CPNE8: variants seen among roughly 807,000 people sequenced by gnomAD.
CPNE8 encodes the protein copine 8.
CPNE8 carries 45 observed loss-of-function variants against 81.5 expected under a neutral mutation model. The ratio of observed to expected loss-of-function variants is 0.55; its 90% CI spans 0.44 to 0.71. CPNE8 has a LOEUF of 0.71. Among genes scored for constraint, CPNE8 ranks in the 30% least tolerant of loss-of-function variants. The pLI, the probability that CPNE8 is intolerant of heterozygous loss-of-function variation, is 0.00. For missense variants in CPNE8, 594 were observed against 672.1 expected (o/e 0.88, Z 1.28); for synonymous variants, 252 against 226.3 (o/e 1.11, Z -1.02).
At chr12:38,696,969 C>T (rs1190369750) in intron 14 of CPNE8, among the ~76,000 whole-genome samples, 1 of 152,104 alleles carries the variant, frequency 6.6e-6, no homozygotes, top group South Asian at 2.1e-4. Flanking sequence ...ATCACTTGAG[C>T]CCTGGAAGTG....
At chr12:38,752,783 TTGAC>T (rs1243615055) in intron 10 of CPNE8, among the ~76,000 whole-genome samples, 3 of 152,242 alleles carry the variant, frequency 2.0e-5, no homozygotes, top group Admixed American at 1.3e-4. Flanking sequence ...TATTCCAAAT[TTGAC>T]TGATGACATT....
At position 38,848,591 on chromosome 12, in the gene CPNE8, A is replaced by G. The variant is rs777300896; in HGVS notation, c.258T>C (p.Phe86=). The change falls in exon 4 of 20, where the codon TTT becomes TTC. Residue 86 remains phenylalanine, a synonymous_variant. Coordinates refer to ENST00000331366, the MANE Select transcript of CPNE8 (RefSeq NM_153634.3). ...AACGAAGATTCTCTCTTTCTTCAAA[A>G]AAGTAGTCCAGAATAAACTTTCTTA... ...DFVRKFILDY[F]FEERENLRFD... is the part of the protein sequence containing the mutation. The G allele has an allele frequency of 2.5e-6, 4 of 1,589,956 alleles. 1 individual carries two copies. The South Asian group carries it at 4.7e-5, about 19-fold the overall frequency.
At chr12:38,671,698 C>A (rs764102709) in intron 18 of CPNE8, among the ~76,000 whole-genome samples, 9 of 152,222 alleles carry the variant, frequency 5.9e-5, no homozygotes, top group Non-Finnish European at 1.3e-4. Flanking sequence ...ATCTCCCTGG[C>A]CCCAATACTG....
At chr12:38,761,583 C>A (rs1376324293) in intron 9 of CPNE8, among the ~76,000 whole-genome samples, 1 of 152,006 alleles carries the variant, frequency 6.6e-6, no homozygotes, top group Admixed American at 6.6e-5. Context: ...GAGATTTTTA[C>A]TTTTCATTTG....
chr12:38,698,662 C>G (rs1207002600), intron 14 of CPNE8, among the ~76,000 whole-genome samples: 3 of 152,178 alleles, frequency 2.0e-5, no homozygotes, highest in African/African-American at 7.2e-5. Flanking sequence ...CAGTCTTCCC[C>G]CGTTGCATTG....
Position 38,702,936 on chromosome 12 carries a change from A to C in CPNE8, c.915-15T>G. On this transcript the variant is annotated splice_polypyrimidine_tract_variant and intron_variant, in intron 13 of 19. Coordinates refer to ENST00000331366, the MANE Select transcript of CPNE8 (RefSeq NM_153634.3). ...TGATTTGCGTCCTGGAATAGAAGTA[A>C]ACAAGACTCATTAATAATGAAATAA... 1.9e-6 allele frequency: 3 copies of C among 1,542,768 alleles called. No individual in the cohort carries two copies. Among genetic ancestry groups the C allele is most frequent in the Non-Finnish European group, 2.6e-6 (3 of 1,133,950 alleles).
intron 12 of CPNE8, 32 bp from the exon 13 acceptor site, chr12:38,723,865 G>A: frequency 7.6e-7 from 1 of 1,313,834 alleles, no homozygotes; most frequent in Non-Finnish European, 1.1e-6. Context: ...TTACCTTCTA[G>A]TTGTTTGTGA....
intron 5 of CPNE8, among the ~76,000 whole-genome samples, chr12:38,835,123 G>T (rs1021435143): frequency 6.6e-6 from 1 of 152,082 alleles, no homozygotes; most frequent in African/African-American, 2.4e-5. Context: ...CTGACCTCGT[G>T]ATCTGCCCAC....
At chr12:38,801,090 A>G (rs1356717185) in intron 6 of CPNE8, among the ~76,000 whole-genome samples, 4 of 136,402 alleles carry the variant, frequency 2.9e-5, no homozygotes, top group Non-Finnish European at 6.3e-5. Context: ...TCTGCAGGAT[A>G]TTATCCAGGA....
At chr12:38,690,553 T>C (rs895101919) in intron 15 of CPNE8, among the ~76,000 whole-genome samples, 2 of 152,194 alleles carry the variant, frequency 1.3e-5, no homozygotes. Flanking sequence ...AATGTTCGAA[T>C]TGGGCTCAAA....
At chr12:38,661,172 G>A (rs1166173936) in intron 19 of CPNE8, among the ~76,000 whole-genome samples, 1 of 151,994 alleles carries the variant, frequency 6.6e-6, no homozygotes, top group Non-Finnish European at 1.5e-5. Flanking sequence ...TGTTTATTGT[G>A]GCACTATTCA....
At chr12:38,697,328 C>T (rs1287837773) in intron 14 of CPNE8, among the ~76,000 whole-genome samples, 2 of 152,254 alleles carry the variant, frequency 1.3e-5, no homozygotes, top group African/African-American at 4.8e-5. Context: ...AACCATCTAT[C>T]TTATAGCCTG....
chr12:38,693,882 A>T (rs752104963), intron 14 of CPNE8, 44 bp from the exon 15 acceptor site: 4 of 1,491,782 alleles, frequency 2.7e-6, no homozygotes, highest in Non-Finnish European at 3.6e-6. Flanking sequence ...ATTAGGGTAA[A>T]TAAATTTAAC....
intron 6 of CPNE8, among the ~76,000 whole-genome samples, chr12:38,788,316 A>C (rs1372114921): frequency 6.6e-6 from 1 of 151,976 alleles, no homozygotes; most frequent in Non-Finnish European, 1.5e-5. Flanking sequence ...ACATATGCAA[A>C]ACAATCAATG....
chr12:38,800,094 T>C (rs1942621333), intron 6 of CPNE8, among the ~76,000 whole-genome samples: 1 of 131,438 alleles, frequency 7.6e-6, no homozygotes, highest in Non-Finnish European at 1.7e-5. Context: ...GCGCCCGCCA[T>C]TGCCCAGGCT....
At chr12:38,672,157 TACA>T (rs1219957769) in intron 18 of CPNE8, among the ~76,000 whole-genome samples, 1 of 152,206 alleles carries the variant, frequency 6.6e-6, no homozygotes, top group Admixed American at 6.5e-5. Context: ...GTTAATAATT[TACA>T]ACAATTACCC....
chr12:38,893,410 C>T (rs1944341053), intron 1 of CPNE8, among the ~76,000 whole-genome samples: 1 of 135,452 alleles, frequency 7.4e-6, no homozygotes, highest in Admixed American at 7.6e-5. Flanking sequence ...CTCACTGCTA[C>T]ACTCCCACCA....
chr12:38,798,667 C>T (rs1294527299), intron 6 of CPNE8, among the ~76,000 whole-genome samples: 5 of 151,738 alleles, frequency 3.3e-5, no homozygotes, highest in Non-Finnish European at 5.9e-5. Context: ...GAGCTAACAT[C>T]ATAATGACAG....
chr12:38,776,483 T>C (rs1051379483), intron 6 of CPNE8, among the ~76,000 whole-genome samples, 182 bp from the exon 7 acceptor site: 1 of 151,734 alleles, frequency 6.6e-6, no homozygotes, highest in Admixed American at 6.6e-5. Flanking sequence ...ATTTTGTATG[T>C]TTTTTTAGCA....
Sources: gnomAD v4.1 joint callset for allele counts (sites outside exome capture counted in the v4.1 genomes callset) on GRCh38, gnomAD v4.1.1 for gene constraint, MANE v1.5 for transcripts, NCBI Gene and HGNC (gene_info 2026-07-23, HGNC 2026-07-21) for gene names.